The following MIB1 variants were observed in gnomAD, a reference collection of about 807,000 sequenced individuals.
MIB1 encodes the protein E3 ubiquitin-protein ligase MIB1.
Under a neutral mutation model 124.5 loss-of-function variants are expected in MIB1, and 278 were observed. The observed-to-expected ratio is 2.23, with a 90% CI of 2.02 to 2.47. The LOEUF is 2.47. Among genes scored for constraint, MIB1 ranks in the 30% most tolerant of loss-of-function variants. The probability of loss-of-function intolerance (pLI) is 0.00; values close to 1 mark genes in which losing one functional copy is unlikely to be tolerated. For synonymous variants in MIB1, 446 were observed against 429.4 expected (o/e 1.04, Z -0.48); for missense variants, 957 against 1,254.4 (o/e 0.76, Z 3.58).
intron 19 of MIB1, 107 bp from the exon 20 acceptor site, chr18:21,858,439 A>T: frequency 1.7e-6 from 1 of 598,516 alleles, no homozygotes; most frequent in Non-Finnish European, 2.9e-6. Context: ...AGAGGATTTT[A>T]ATAATAGTTT....
chr18:21,814,181 C>A (rs958251228), intron 10 of MIB1, among the ~76,000 whole-genome samples: 1 of 151,978 alleles, frequency 6.6e-6, no homozygotes, highest in Non-Finnish European at 1.5e-5. Flanking sequence ...CTATTTGATT[C>A]TTCTGAAATA....
rs368809123 is a variant in MIB1 at position 21,813,501 on chromosome 18, G to T, written c.1480-2115G>T. Among the ~76,000 whole-genome samples the T allele has an allele frequency of 2.6e-5, 4 of 152,210 alleles. No homozygotes were observed. In the East Asian group the frequency reaches 5.8e-4, roughly 22 times the overall value. ...TCTTAAATCTTAGATGTGGTTGTTTGCCAGTTCCTTTCTCAAAATTGATAC... is the reference window on the plus strand; with the variant it reads ...TCTTAAATCTTAGATGTGGTTGTTTTCCAGTTCCTTTCTCAAAATTGATAC... On this transcript the variant is annotated intron_variant, in intron 10 of 20. Transcript: ENST00000261537.
intron 1 of MIB1, among the ~76,000 whole-genome samples, chr18:21,705,525 A>G (rs1327849230): frequency 7.0e-6 from 1 of 142,022 alleles, no homozygotes; most frequent in Non-Finnish European, 1.5e-5. Context: ...ATGATAAATC[A>G]GGATACTTAT....
intron 1 of MIB1, among the ~76,000 whole-genome samples, chr18:21,749,143 T>C (rs1395223697): frequency 1.3e-5 from 2 of 152,178 alleles, no homozygotes; most frequent in Non-Finnish European, 2.9e-5. Flanking sequence ...TCTGTATTCC[T>C]TATAAATAAT....
rs2042348172 is a variant in MIB1 at position 21,870,617 on chromosome 18, T to C, written c.*5951T>C. 6.6e-6 allele frequency: 1 copy of C among 152,190 alleles called. No homozygotes were observed. The highest frequency in any genetic ancestry group is 2.4e-5 in the African/African-American group (1 of 41,458). The allele number at this position is 152,190 out of a possible 1,614,324, so 9.4% of individuals were successfully genotyped here. On this transcript the variant is annotated 3_prime_UTR_variant, in exon 21 of 21. Coordinates refer to ENST00000261537, the MANE Select transcript of MIB1 (RefSeq NM_020774.4). ...TTAAAGCAATGATCTATTTGGGTTT[T>C]AGTTTTATGAGTAAATCATTAATTG...
intron 1 of MIB1, among the ~76,000 whole-genome samples, chr18:21,734,490 CTCTCTCTT>C (rs763306204): frequency 3.7e-4 from 56 of 150,936 alleles, no homozygotes; most frequent in South Asian, 3.6e-3. Flanking sequence ...CTCTCTCTCT[CTCTCTCTT>C]TCTTTCTTTC....
chr18:21,823,168 A>C (rs1384516464), intron 12 of MIB1, among the ~76,000 whole-genome samples: 3 of 150,724 alleles, frequency 2.0e-5, no homozygotes, highest in African/African-American at 4.9e-5. Flanking sequence ...CAGGAAGCAG[A>C]GGTTGTAGTG....
chr18:21,848,646 A>G (rs2042155488), intron 16 of MIB1, among the ~76,000 whole-genome samples: 1 of 152,090 alleles, frequency 6.6e-6, no homozygotes, highest in African/African-American at 2.4e-5. Context: ...TGTTCCTTGT[A>G]TCTGTGTTTA....
At chr18:21,852,767 A>G (rs1186211843) in intron 17 of MIB1, among the ~76,000 whole-genome samples, 2 of 152,194 alleles carry the variant, frequency 1.3e-5, no homozygotes, top group Non-Finnish European at 2.9e-5. Context: ...TCTGTCTTTC[A>G]GTCATTTCTT....
Position 21,804,015 on chromosome 18 carries a change from G to A in MIB1, c.1479+1G>A, listed in dbSNP as rs1176765747. ...GCAAAACGTGGATGTCGAAGCAGAG[G>A]TAAGTAAACTTGAAAAATATTTTAA... is the stretch of plus-strand genomic sequence containing the variant. On this transcript the variant is annotated splice_donor_variant, in intron 10 of 20. Coordinates refer to ENST00000261537, the MANE Select transcript of MIB1 (RefSeq NM_020774.4). LOFTEE classifies it high-confidence loss of function. 8 of 1,603,420 alleles carry A rather than the reference G, an allele frequency of 5.0e-6. No individual in the cohort carries two copies. The highest frequency in any genetic ancestry group is 6.8e-6 in the Non-Finnish European group (8 of 1,171,014).
intron 13 of MIB1, among the ~76,000 whole-genome samples, chr18:21,839,749 G>A (rs922256826): frequency 1.3e-5 from 2 of 152,026 alleles, no homozygotes; most frequent in Admixed American, 6.6e-5. Flanking sequence ...TGATCCTTTT[G>A]CCTCAGCCTC....
chr18:21,727,057 C>T (rs886187887), intron 1 of MIB1, among the ~76,000 whole-genome samples: 5 of 152,118 alleles, frequency 3.3e-5, no homozygotes, highest in South Asian at 2.1e-4. Flanking sequence ...TTATTCTCCA[C>T]GGCCCCATGC....
At chr18:21,728,900 A>T (rs2040754990) in intron 1 of MIB1, among the ~76,000 whole-genome samples, 1 of 152,224 alleles carries the variant, frequency 6.6e-6, no homozygotes, top group Non-Finnish European at 1.5e-5. Flanking sequence ...ACTTGAGTTT[A>T]TTCTTCCTAA....
intron 16 of MIB1, among the ~76,000 whole-genome samples, chr18:21,848,962 C>T (rs1024880413): frequency 2.0e-5 from 3 of 151,768 alleles, no homozygotes; most frequent in African/African-American, 7.3e-5. Context: ...TCACCCTTTT[C>T]CATTGGGTGA....
chr18:21,864,667 C>CT lies in MIB1; in HGVS notation c.*2dup, dbSNP rs2042307108. ...TGAACGAAGGATTCTTTTGTATTAACTAAGACACATGGTGTATTTTGTTAG... is the reference window on the plus strand; with the variant it reads ...TGAACGAAGGATTCTTTTGTATTAACTTAAGACACATGGTGTATTTTGTTAG... On this transcript the variant is annotated 3_prime_UTR_variant, in exon 21 of 21. Transcript: ENST00000261537. 1 of 1,611,244 alleles carries CT rather than the reference C, an allele frequency of 6.2e-7. No homozygotes were observed. The highest frequency in any genetic ancestry group is 1.7e-5 in the Admixed American group (1 of 59,940).
chr18:21,838,804 T>TA (rs1206301559), intron 13 of MIB1, among the ~76,000 whole-genome samples: 23 of 152,318 alleles, frequency 1.5e-4, no homozygotes, highest in Non-Finnish European at 3.1e-4. Flanking sequence ...CTGCCACTGT[T>TA]ACGGAAGTAT....
At chr18:21,863,877 G>A (rs1314863027) in intron 20 of MIB1, among the ~76,000 whole-genome samples, 1 of 151,888 alleles carries the variant, frequency 6.6e-6, no homozygotes, top group South Asian at 2.1e-4. Flanking sequence ...GTGGTGGTGC[G>A]CACCTGTAGT....
chr18:21,831,861 G>A (rs1568219162), intron 12 of MIB1, among the ~76,000 whole-genome samples: 1 of 152,156 alleles, frequency 6.6e-6, no homozygotes, highest in African/African-American at 2.4e-5. Context: ...TATGGAACAA[G>A]TGAAGTCCCT....
chr18:21,758,510 G>C (rs1169436475), intron 1 of MIB1, among the ~76,000 whole-genome samples: 1 of 151,912 alleles, frequency 6.6e-6, no homozygotes, highest in Non-Finnish European at 1.5e-5. Context: ...ACAATAAGTA[G>C]TTACATTTAA....
Sources: allele counts gnomAD v4.1 joint callset (sites outside exome capture counted in the v4.1 genomes callset), GRCh38; gene constraint gnomAD v4.1.1; transcripts MANE v1.5; gene names NCBI Gene and HGNC (gene_info 2026-07-23, HGNC 2026-07-21).